Variants in SPTBN4 observed in about 807,000 individuals in gnomAD.
The protein encoded by SPTBN4 is spectrin beta, non-erythrocytic 4.
A neutral mutation model predicts 277.8 loss-of-function variants in SPTBN4; 96 were observed. That is an observed-to-expected ratio of 0.35 (90% CI 0.29 to 0.41). The LOEUF is 0.41. SPTBN4 is among the 10% of genes least tolerant of loss of function. SPTBN4 has a pLI of 1.00. For synonymous variants in SPTBN4, 1,481 were observed against 1,580.3 expected (o/e 0.94, Z 1.49); for missense variants, 3,006 against 3,595.7 (o/e 0.84, Z 4.19).
chr19:40,518,764 G>A (rs983479638), intron 15 of SPTBN4, among the ~76,000 whole-genome samples: 1 of 152,068 alleles, frequency 6.6e-6, no homozygotes, highest in Admixed American at 6.6e-5. Context: ...CAATACACTG[G>A]GAGTGGTGCG....
rs186048590 is a variant in SPTBN4 at position 40,530,214 on chromosome 19, C to T, written c.3948+1083C>T. 3.8e-3 allele frequency among the ~76,000 whole-genome samples: 586 copies of T among 152,240 alleles called. 8 individuals carry two copies. Among genetic ancestry groups the T allele is most frequent in the African/African-American group, 0.014 (564 of 41,546 alleles). On this transcript the variant is annotated intron_variant, in intron 18 of 35. Transcript: ENST00000598249. The stretch of plus-strand genomic sequence containing the variant: ...CAGCCCCTCACCATAATCCCCACTC[C>T]CTTAGTGAGGCAGTCCAAGCCCCAG...
chr19:40,556,058 C>G, intron 24 of SPTBN4, 26 bp from the exon 25 acceptor site: 2 of 1,595,936 alleles, frequency 1.3e-6, no homozygotes, highest in Non-Finnish European at 1.7e-6. Context: ...AGGGGTCCAT[C>G]CCTGCCCCTC....
chr19:40,472,052 A>G (rs1365393531), intron 1 of SPTBN4, among the ~76,000 whole-genome samples: 1 of 151,892 alleles, frequency 6.6e-6, no homozygotes, highest in African/African-American at 2.4e-5. Context: ...CTGGGATTAC[A>G]GGCATACTCC....
chr19:40,469,019 AG>A (rs1032900890), intron 1 of SPTBN4, among the ~76,000 whole-genome samples: 24 of 152,096 alleles, frequency 1.6e-4, no homozygotes, highest in African/African-American at 5.8e-4. Context: ...GGATCGCGTG[AG>A]CACAAGAGTT....
At position 40,532,653 on chromosome 19, in the gene SPTBN4, T is replaced by C. The variant is rs2080689997; in HGVS notation, c.3977T>C (p.Leu1326Pro). 3 of 1,613,344 alleles carry C rather than the reference T, an allele frequency of 1.9e-6. No homozygotes were observed. ...ELDGWIHEKM[L>P]MARDGTREDN... ...GATGGCTGGATCCATGAGAAGATGCTGATGGCGCGGGATGGCACGCGGGAG... is the reference window on the plus strand; with the variant it reads ...GATGGCTGGATCCATGAGAAGATGCCGATGGCGCGGGATGGCACGCGGGAG... Residue 1326 changes from leucine (L) to proline (P), a missense_variant, in exon 19 of 36, where the codon CTG (leucine) becomes CCG (proline). By Grantham distance (98) the Leu-to-Pro change is moderately conservative. This residue lies in a region of SPTBN4 where 1,759 missense variants were observed against 2,061.5 expected (regional missense o/e 0.85). Coordinates refer to ENST00000598249, the MANE Select transcript of SPTBN4 (RefSeq NM_020971.3).
intron 4 of SPTBN4, among the ~76,000 whole-genome samples, chr19:40,491,569 C>T (rs1425562187): frequency 6.6e-6 from 1 of 151,768 alleles, no homozygotes; most frequent in Non-Finnish European, 1.5e-5. Context: ...TGGTGAAACC[C>T]CGTCTCTACT....
rs1034929304 is a variant in SPTBN4 at position 40,570,840 on chromosome 19, T to C, written c.7319+112T>C. 152 of 1,048,964 alleles carry C rather than the reference T, an allele frequency of 1.4e-4. 1 individual carries two copies. In the African/African-American group the frequency reaches 3.1e-3, roughly 21 times the overall value. The allele number at this position is 1,048,964 out of a possible 1,614,324, so 65.0% of individuals were successfully genotyped here. On this transcript the variant is annotated intron_variant, in intron 33 of 35. Coordinates refer to ENST00000598249, the MANE Select transcript of SPTBN4 (RefSeq NM_020971.3). Reference sequence around the variant, plus strand: ...GCTCAACTTCAGGCCCTCCAGCAGGTGGCGGTAGTAGGTGGGGCCAGAGCT... The same window carrying C: ...GCTCAACTTCAGGCCCTCCAGCAGGCGGCGGTAGTAGGTGGGGCCAGAGCT...
chr19:40,570,532 C>A lies in SPTBN4; in HGVS notation c.7123C>A (p.Arg2375=). Residue 2375 remains arginine, a synonymous_variant, in exon 33 of 36, where the codon CGG becomes AGG. Transcript: ENST00000598249. ...RTPRPDRPRA[R]DRPKPRRRPR... ...ACCTCGGCCGGACCGGCCCCGGGCG[C>A]GGGACCGGCCCAAGCCGCGACGGCG... 1 of 1,417,486 alleles carries A rather than the reference C, an allele frequency of 7.1e-7. No homozygotes were observed. The highest frequency in any genetic ancestry group is 1.5e-5 in the South Asian group (1 of 66,966). 87.8% of individuals were successfully genotyped at this position (1,417,486 alleles called of 1,614,324 possible).
At chr19:40,506,152 G>C (rs1277765146) in intron 12 of SPTBN4, 84 bp from the exon 13 acceptor site, 1 of 1,511,962 alleles carries the variant, frequency 6.6e-7, no homozygotes, top group East Asian at 2.3e-5. Context: ...GTGCAGAGTA[G>C]CAGGGGCTGG....
At chr19:40,530,487 C>G (rs967947661) in intron 18 of SPTBN4, 3 of 978,922 alleles carry the variant, frequency 3.1e-6, no homozygotes, top group Non-Finnish European at 2.4e-6. Context: ...GCGCGGCCGC[C>G]GGAGCCTCAG....
At position 40,531,150 on chromosome 19, in the gene SPTBN4, A is replaced by G. The variant is rs550162136; in HGVS notation, c.3949-1475A>G. ...GGATAGTCTGGTTTTGCCCTCCATC[A>G]TGAAGGAATCACTTTTGAGGGGGCT... On this transcript the variant is annotated intron_variant, in intron 18 of 35. Coordinates refer to ENST00000598249, the MANE Select transcript of SPTBN4 (RefSeq NM_020971.3). Among the ~76,000 whole-genome samples, 10 of 152,076 alleles carry G rather than the reference A, an allele frequency of 6.6e-5. No individual in the cohort carries two copies. In the East Asian group the frequency reaches 1.9e-3, roughly 29 times the overall value.
At chr19:40,491,713 C>CAAAA (rs35237688) in intron 4 of SPTBN4, among the ~76,000 whole-genome samples, 528 of 38,780 alleles carry the variant, frequency 0.014, 95 homozygotes, top group African/African-American at 0.061. Flanking sequence ...GACTCTGTCT[C>CAAAA]AAAAAAAAAA....
chr19:40,489,459 C>T (rs1374972884), intron 3 of SPTBN4, among the ~76,000 whole-genome samples: 1 of 151,982 alleles, frequency 6.6e-6, no homozygotes, highest in Non-Finnish European at 1.5e-5. Flanking sequence ...GATCTCGGCT[C>T]AACAGCAGCC....
chr19:40,532,950 G>C (rs2080695251), intron 19 of SPTBN4, among the ~76,000 whole-genome samples, 179 bp downstream of exon 19: 1 of 152,168 alleles, frequency 6.6e-6, no homozygotes, highest in African/African-American at 2.4e-5. Flanking sequence ...TAACATCTTT[G>C]AGCCTCAATT....
Position 40,519,766 on chromosome 19 carries a change from T to C in SPTBN4, c.3269T>C (p.Leu1090Pro). ...CGEAVAAAGR[L>P]QRFLHDLDAF... Reference sequence around the variant, plus strand: ...GAGGCGGTGGCGGCAGCAGGGCGCCTGCAGCGCTTCCTACATGACCTCGAC... The same window carrying C: ...GAGGCGGTGGCGGCAGCAGGGCGCCCGCAGCGCTTCCTACATGACCTCGAC... The change falls in exon 16 of 36, where the codon CTG (leucine) becomes CCG (proline). Residue 1090 changes from leucine (L) to proline (P), a missense_variant. Around this residue, in one of 5 missense-constraint regions of SPTBN4, gnomAD observed 1,759 missense variants for 2,061.5 expected, o/e 0.85. Coordinates refer to ENST00000598249, the MANE Select transcript of SPTBN4 (RefSeq NM_020971.3). This position sits in a 1 kb window ranked among gnomAD's most constrained non-coding sequence, Gnocchi z 5.7. 1 of 1,408,464 alleles carries C rather than the reference T, an allele frequency of 7.1e-7. No homozygotes were observed. The highest frequency in any genetic ancestry group is 9.1e-7 in the Non-Finnish European group (1 of 1,094,422). 87.2% of individuals were successfully genotyped at this position (1,408,464 alleles called of 1,614,324 possible).
rs1599802031 is a variant in SPTBN4 at position 40,554,903 on chromosome 19, A to G, written c.5084+257A>G. 2.1e-6 allele frequency: 1 copy of G among 474,390 alleles called. No homozygotes were observed. The highest frequency in any genetic ancestry group is 4.2e-5 in the East Asian group (1 of 23,660). 29.4% of individuals were successfully genotyped at this position (474,390 alleles called of 1,614,324 possible). A position where few individuals can be genotyped will look rare whatever the true frequency, so the allele number is the denominator to read the frequency against. On this transcript the variant is annotated intron_variant, in intron 24 of 35. Transcript: ENST00000598249. This position sits in a 1 kb window ranked among gnomAD's most constrained non-coding sequence, Gnocchi z 5.7. ...TTGTCGGGGGAGAAAAGAGTAGGCG[A>G]TGTCTAGGACTGGGGTAGAGAAGAA...
Position 40,498,011 on chromosome 19 carries a change from A to G in SPTBN4, c.784+407A>G, listed in dbSNP as rs112806980. Among the ~76,000 whole-genome samples, 834 of 135,708 alleles carry G rather than the reference A, an allele frequency of 6.1e-3. 8 individuals are homozygous for G. Among genetic ancestry groups the G allele is most frequent in the African/African-American group, 0.023 (809 of 35,342 alleles). The allele number at this position is 135,708 out of a possible 152,430, so 89.0% of individuals were successfully genotyped here. ...CATCCCCACCCCTAACGCCAACCCC[A>G]TCTTCAAGTGTCTCCATCCCCACCA... On this transcript the variant is annotated intron_variant, in intron 7 of 35. Coordinates refer to ENST00000598249, the MANE Select transcript of SPTBN4 (RefSeq NM_020971.3).
intron 12 of SPTBN4, 28 bp downstream of exon 12, chr19:40,504,160 T>TTGGGGGGG: frequency 2.0e-6 from 2 of 1,016,112 alleles, no homozygotes; most frequent in Non-Finnish European, 2.8e-6. Flanking sequence ...GGGATGCGGG[T>TTGGGGGGG]GGAGTGCCAG....
At position 40,503,795 on chromosome 19, in the gene SPTBN4, G is replaced by A. The variant is rs2080290202; in HGVS notation, c.1363-35G>A. ...GTCAAGGTAACAGGTGGACTGCTGA[G>A]GCAGCATGGGTGAGTGTCTGGCTCA... On this transcript the variant is annotated intron_variant, in intron 11 of 35. Coordinates refer to ENST00000598249, the MANE Select transcript of SPTBN4 (RefSeq NM_020971.3). 3 of 1,550,718 alleles carry A rather than the reference G, an allele frequency of 1.9e-6. No individual in the cohort carries two copies. In the African/African-American group the frequency reaches 4.1e-5, roughly 21 times the overall value.
Sources: allele counts gnomAD v4.1 joint callset (sites outside exome capture counted in the v4.1 genomes callset), GRCh38; gene constraint gnomAD v4.1.1; regional missense constraint gnomAD v4.1.1; non-coding constraint Gnocchi (gnomAD v3.1); transcripts MANE v1.5; gene names NCBI Gene and HGNC (gene_info 2026-07-23, HGNC 2026-07-21).